The following PCLO variants were observed in gnomAD, a reference collection of about 807,000 sequenced individuals.
The protein encoded by PCLO is piccolo presynaptic cytomatrix protein.
PCLO carries 82 observed loss-of-function variants against 427.5 expected under a neutral mutation model. The observed-to-expected ratio is 0.19, with a 90% CI of 0.16 to 0.23. The LOEUF (loss-of-function observed/expected upper bound fraction) is 0.23. Among genes scored for constraint, PCLO ranks in the 10% least tolerant of loss-of-function variants. The pLI is 1.00. For synonymous variants in PCLO, 2,357 were observed against 2,155.4 expected (o/e 1.09, Z -2.59); for missense variants, 6,239 against 6,115.9 (o/e 1.02, Z -0.67).
rs768712198 is a variant in PCLO at position 82,758,581 on chromosome 7, C to A, written c.15423G>T (p.Thr5141=). Residue 5141 remains threonine (T), a synonymous_variant, in exon 25 of 25, where the codon ACG becomes ACT. Transcript: ENST00000333891. ...WHKLLVSPTQ[T]H is the part of the protein sequence containing the mutation. ...CCTGAGAAGACATGTTTCTTCAATGCGTTTGAGTAGGACTGACCAAAAGTT... is the reference window on the plus strand; with the variant it reads ...CCTGAGAAGACATGTTTCTTCAATGAGTTTGAGTAGGACTGACCAAAAGTT... 1.2e-5 allele frequency: 20 copies of A among 1,607,608 alleles called. No homozygotes were observed. The South Asian group carries it at 2.1e-4, about 17-fold the overall frequency.
chr7:83,038,029 ATT>A (rs1255180924), intron 3 of PCLO, among the ~76,000 whole-genome samples: 475 of 36,278 alleles, frequency 0.013, 43 homozygotes, highest in African/African-American at 0.039. Context: ...ATATATATAT[ATT>A]TATATATTTA....
chr7:82,881,540 T>C (rs1584095090), intron 9 of PCLO, among the ~76,000 whole-genome samples: 1 of 152,198 alleles, frequency 6.6e-6, no homozygotes, highest in African/African-American at 2.4e-5. Flanking sequence ...GTAAATAGAA[T>C]AATACAGTCA....
intron 2 of PCLO, among the ~76,000 whole-genome samples, chr7:83,146,887 C>A (rs952243728): frequency 6.6e-6 from 1 of 152,014 alleles, no homozygotes; most frequent in African/African-American, 2.4e-5. Flanking sequence ...CAAGCATGAG[C>A]CACCGCACCC....
At chr7:82,925,120 C>T (rs979613545) in intron 6 of PCLO, among the ~76,000 whole-genome samples, 1 of 152,088 alleles carries the variant, frequency 6.6e-6, no homozygotes, top group Non-Finnish European at 1.5e-5. Flanking sequence ...CTTATACATA[C>T]TATACTCCTC....
intron 3 of PCLO, among the ~76,000 whole-genome samples, chr7:83,121,894 T>C (rs1451358465): frequency 1.3e-5 from 2 of 152,084 alleles, no homozygotes; most frequent in East Asian, 1.9e-4. Flanking sequence ...TAAACATTTA[T>C]GCAAAAATCC....
At chr7:82,820,733 C>T in intron 20 of PCLO, 1 of 1,231,458 alleles carries the variant, frequency 8.1e-7, no homozygotes, top group Non-Finnish European at 1.0e-6. Context: ...CACTGATCCA[C>T]ATTCCAACTG....
At chr7:82,874,117 A>C (rs28442215) in intron 10 of PCLO, among the ~76,000 whole-genome samples, 6,257 of 152,194 alleles carry the variant, frequency 0.041, 427 homozygotes, top group African/African-American at 0.14. Flanking sequence ...TATTTGCTTC[A>C]CACAATCCTG....
intron 6 of PCLO, 43 bp downstream of exon 6, chr7:82,949,433 A>G (rs1795278660): frequency 4.2e-6 from 6 of 1,423,158 alleles, no homozygotes; most frequent in Middle Eastern, 1.8e-4. Context: ...CACATGATTA[A>G]TAACTCATCC....
chr7:82,921,714 G>A (rs1230978179), intron 6 of PCLO, among the ~76,000 whole-genome samples: 1 of 151,930 alleles, frequency 6.6e-6, no homozygotes, highest in Non-Finnish European at 1.5e-5. Context: ...GACTCTGAAA[G>A]CAATTGCAGT....
At chr7:83,000,640 C>T (rs1223993525) in intron 3 of PCLO, among the ~76,000 whole-genome samples, 1 of 151,960 alleles carries the variant, frequency 6.6e-6, no homozygotes, top group African/African-American at 2.4e-5. Flanking sequence ...GGTTCACACT[C>T]CTTTGAGAGT....
intron 22 of PCLO, among the ~76,000 whole-genome samples, chr7:82,792,429 C>T (rs770229295): frequency 2.0e-5 from 3 of 151,692 alleles, no homozygotes; most frequent in Admixed American, 6.6e-5. Flanking sequence ...TGAGCCCAAG[C>T]GATACTCCCT....
chr7:82,826,479 A>AT, intron 18 of PCLO, 110 bp downstream of exon 18: 1 of 624,442 alleles, frequency 1.6e-6, no homozygotes, highest in Non-Finnish European at 2.8e-6. Context: ...CTGCCAGAAG[A>AT]TTTTTTTCAG....
In PCLO at chr7:82,758,710, T is replaced by C. The variant is rs1319306763; in HGVS notation, c.15294A>G (p.Leu5098=). The change falls in exon 25 of 25, where the codon TTA becomes TTG. Residue 5098 remains leucine, a synonymous_variant. Transcript: ENST00000333891. ...TAAACTTCCCTCCATTGGAGAAAAG[T>C]AAAATCTAGAAAAAATAGGCAAAAA... is the stretch of plus-strand genomic sequence containing the variant. ...LSPAGHSLQI[L]LFSNGGKFMK... is the part of the protein sequence containing the mutation. The C allele has an allele frequency of 6.3e-7, 1 of 1,586,502 alleles. No individual in the cohort carries two copies. The highest frequency in any genetic ancestry group is 1.7e-5 in the Admixed American group (1 of 58,186).
chr7:82,952,399 G>T lies in PCLO; in HGVS notation c.8554C>A (p.Pro2852Thr). The T allele has an allele frequency of 6.2e-7, 1 of 1,613,854 alleles. No homozygotes were observed. Among genetic ancestry groups the T allele is most frequent in the Non-Finnish European group, 8.5e-7 (1 of 1,179,826 alleles). Residue 2852 changes from proline (P) to threonine (T), a missense_variant, in exon 5 of 25, where the codon CCA becomes ACA. By Grantham distance (38) the Pro-to-Thr change is conservative. This residue lies in a region of PCLO where 4,677 missense variants were observed against 4,468.4 expected (regional missense o/e 1.05). Coordinates refer to ENST00000333891, the MANE Select transcript of PCLO (RefSeq NM_033026.6). Reference protein sequence around the residue: ...QVFPIAREEAPINLSLGTPAH... With the variant: ...QVFPIAREEATINLSLGTPAH... ...GGAGTACCTAGAGATAAGTTTATTG[G>T]TGCTTCTTCCCTAGCTATAGGAAAG...
Position 82,944,137 on chromosome 7 carries a change from TAAAAAA to T in PCLO, c.11112+5333_11112+5338del, listed in dbSNP as rs71096608. Reference sequence around the variant, plus strand: ...GCCTGGGCAACGGAACAAGAATCCATAAAAAAAAAAAAAAAAAAAAAAAAAAAGTAA... The same window carrying T: ...GCCTGGGCAACGGAACAAGAATCCATAAAAAAAAAAAAAAAAAAAAAGTAA... On this transcript the variant is annotated intron_variant, in intron 6 of 24. Coordinates refer to ENST00000333891, the MANE Select transcript of PCLO (RefSeq NM_033026.6). Among the ~76,000 whole-genome samples, 153 of 33,920 alleles carry T rather than the reference TAAAAAA, an allele frequency of 4.5e-3. 1 individual carries two copies. Among genetic ancestry groups the T allele is most frequent in the South Asian group, 0.031 (17 of 556 alleles). 22.3% of individuals were successfully genotyped at this position (33,920 alleles called of 152,430 possible).
At chr7:82,879,656 T>A (rs939861222) in intron 9 of PCLO, among the ~76,000 whole-genome samples, 194 bp from the exon 10 acceptor site, 23 of 152,164 alleles carry the variant, frequency 1.5e-4, no homozygotes. Context: ...GAGATCTTGG[T>A]AGACTCTCCA....
intron 3 of PCLO, among the ~76,000 whole-genome samples, chr7:83,079,772 T>C (rs1790048616): frequency 6.6e-6 from 1 of 152,110 alleles, no homozygotes; most frequent in Non-Finnish European, 1.5e-5. Context: ...GTTTGTTACA[T>C]AGGTAAACAT....
intron 14 of PCLO, 57 bp downstream of exon 14, chr7:82,841,402 A>G (rs1468997689): frequency 4.0e-6 from 4 of 995,674 alleles, no homozygotes; most frequent in Non-Finnish European, 4.8e-6. Context: ...TCAACAAACC[A>G]GTGGCAAAAC....
intron 20 of PCLO, among the ~76,000 whole-genome samples, chr7:82,809,961 CA>C (rs1791534935): frequency 6.6e-6 from 1 of 151,514 alleles, no homozygotes; most frequent in South Asian, 2.1e-4. Flanking sequence ...TTATGAATTT[CA>C]AAAAGTTCAT....
Sources: gnomAD v4.1 joint callset for allele counts (sites outside exome capture counted in the v4.1 genomes callset) on GRCh38, gnomAD v4.1.1 for gene constraint, gnomAD v4.1.1 regional missense constraint, MANE v1.5 for transcripts, NCBI Gene and HGNC (gene_info 2026-07-23, HGNC 2026-07-21) for gene names.